TTC6: variants seen among roughly 807,000 people sequenced by gnomAD.
TTC6 encodes the protein tetratricopeptide repeat protein 6.
Under a neutral mutation model 210.4 loss-of-function variants are expected in TTC6, and 172 were observed. The ratio of observed to expected loss-of-function variants is 0.82; its 90% confidence interval spans 0.72 to 0.93. The LOEUF is 0.93. TTC6 is among the 40% of genes least tolerant of loss of function. TTC6 has a pLI of 0.00. For missense variants in TTC6, 2,414 were observed against 2,318.1 expected (o/e 1.04, Z -0.85); for synonymous variants, 804 against 819.6 (o/e 0.98, Z 0.32).
rs563987348 is a variant in TTC6, at chr14:37,826,072, A to G, written c.4975-123A>G. On this transcript the variant is annotated intron_variant, in intron 27 of 30. Transcript: ENST00000553443. The stretch of plus-strand genomic sequence containing the variant: ...TATGCCTACTTTCTGGTTTGAAAGA[A>G]CTTAGATTTAGCATGGCATAAATAT... 8 of 1,017,868 alleles carry G rather than the reference A, an allele frequency of 7.9e-6. No individual in the cohort carries two copies. In the South Asian group the frequency reaches 1.2e-4, roughly 15 times the overall value. 63.1% of individuals were successfully genotyped at this position (1,017,868 alleles called of 1,614,324 possible).
intron 1 of TTC6, among the ~76,000 whole-genome samples, chr14:37,643,917 A>G (rs372318683): frequency 6.6e-6 from 1 of 152,236 alleles, no homozygotes; most frequent in East Asian, 1.9e-4. Flanking sequence ...TTGACAATCA[A>G]TTATTACTCT....
At chr14:37,619,546 A>C (rs1159772898), upstream of TTC6, among the ~76,000 whole-genome samples, 2 of 152,172 alleles carry the variant, frequency 1.3e-5, no homozygotes, top group Non-Finnish European at 2.9e-5. Flanking sequence ...GAAATACACC[A>C]AAAAATTGCA....
intron 1 of TTC6, among the ~76,000 whole-genome samples, chr14:37,664,198 A>C (rs1476195844): frequency 5.3e-5 from 8 of 150,682 alleles, no homozygotes; most frequent in African/African-American, 1.9e-4. Context: ...TAGCCAAGGC[A>C]ATCCTAAGTG....
chr14:37,808,844 A>G, exon 24 of TTC6: 1 of 1,454,726 alleles, frequency 6.9e-7, no homozygotes. Flanking sequence ...GGAACTTCAA[A>G]TGGTAAGATG....
At chr14:37,689,070 A>G (rs917770562) in intron 3 of TTC6, among the ~76,000 whole-genome samples, 2 of 152,128 alleles carry the variant, frequency 1.3e-5, no homozygotes, top group African/African-American at 4.8e-5. Flanking sequence ...TCAAGATAAC[A>G]CAGAGAATCA....
At chr14:37,682,528 C>G (rs1396746891) in intron 2 of TTC6, among the ~76,000 whole-genome samples, 3 of 152,080 alleles carry the variant, frequency 2.0e-5, no homozygotes, top group African/African-American at 7.2e-5. Context: ...TGTGGGGTGG[C>G]TGTAGTTTCT....
chr14:37,796,142 A>G (rs1417587113), intron 18 of TTC6, among the ~76,000 whole-genome samples, 152 bp from the exon 21 acceptor site: 2 of 152,052 alleles, frequency 1.3e-5, no homozygotes, highest in Non-Finnish European at 1.5e-5. Context: ...TATTTAGTTT[A>G]TATAAAATGT....
intron 5 of TTC6, 106 bp downstream of exon 7, chr14:37,701,632 T>A: frequency 9.3e-7 from 1 of 1,072,728 alleles, no homozygotes; most frequent in Non-Finnish European, 1.3e-6. Context: ...TCTTGGACAC[T>A]AAAGAGGAGG....
At chr14:37,633,413 G>A (rs1171369476) in intron 1 of TTC6, among the ~76,000 whole-genome samples, 2 of 152,164 alleles carry the variant, frequency 1.3e-5, no homozygotes, top group Non-Finnish European at 2.9e-5. Flanking sequence ...CAGGTGAGGT[G>A]ATGCCCCACC....
chr14:37,613,669 A>T (rs1489560161), intron 2 of TTC6, among the ~76,000 whole-genome samples: 1 of 152,030 alleles, frequency 6.6e-6, no homozygotes, highest in Non-Finnish European at 1.5e-5. Context: ...AGCTATTCAG[A>T]TTTCCTGTTT....
At chr14:37,741,488 T>C (rs2095919707) in intron 10 of TTC6, among the ~76,000 whole-genome samples, 1 of 151,700 alleles carries the variant, frequency 6.6e-6, no homozygotes, top group South Asian at 2.1e-4. Context: ...CAGGGTTTTG[T>C]CATGTTGGCC....
At chr14:37,768,390 G>A (rs1251511676) in intron 14 of TTC6, among the ~76,000 whole-genome samples, 1 of 151,724 alleles carries the variant, frequency 6.6e-6, no homozygotes, top group African/African-American at 2.4e-5. Flanking sequence ...ATTACCTTGG[G>A]AAGTATGGCC....
chr14:37,712,572 G>A lies in TTC6; in HGVS notation c.1572-2083G>A, dbSNP rs535268727. Among the ~76,000 whole-genome samples, 6 of 152,292 alleles carry A rather than the reference G, an allele frequency of 3.9e-5. No individual in the cohort carries two copies. In the South Asian group the frequency reaches 1.2e-3, roughly 32 times the overall value. On this transcript the variant is annotated intron_variant, in intron 5 of 30. Coordinates refer to ENST00000553443, the Ensembl canonical transcript of TTC6. ...GGCTTAATTGACTCACAGTTCTGCAGGGCTGATGAGGCCTCAGGAAACTTA... is the reference window on the plus strand; with the variant it reads ...GGCTTAATTGACTCACAGTTCTGCAAGGCTGATGAGGCCTCAGGAAACTTA...
intron 6 of TTC6, among the ~76,000 whole-genome samples, chr14:37,723,161 G>A (rs1403214090): frequency 1.3e-5 from 2 of 151,816 alleles, no homozygotes; most frequent in African/African-American, 4.8e-5. Flanking sequence ...ATTTTTTTTA[G>A]AACACTTTCT....
rs947457837 is a variant in TTC6, at chr14:37,622,367, G to C, written c.303G>C (p.Ser101=). The C allele has an allele frequency of 9.7e-5, 149 of 1,530,450 alleles. 2 individuals are homozygous for C. The East Asian group carries it at 3.5e-3, about 36-fold the overall frequency. 94.8% of individuals were successfully genotyped at this position (1,530,450 alleles called of 1,614,324 possible). A position where few individuals can be genotyped will look rare whatever the true frequency, so the allele number is the denominator to read the frequency against. The stretch of plus-strand genomic sequence containing the variant: ...TGCTCGGAGGCGCGCCGCGTCCCTC[G>C]GGCCTGGGTGAGGCGGCGGCTCCAG... The change falls in exon 1 of 31, where the codon TCG becomes TCC. Residue 101 remains serine (S), a synonymous_variant. Transcript: ENST00000553443.
rs772742823 is a variant in TTC6 at position 37,751,033 on chromosome 14, A to G, written c.2957-20A>G. 10 of 1,484,212 alleles carry G rather than the reference A, an allele frequency of 6.7e-6. No homozygotes were observed. In the South Asian group the frequency reaches 1.2e-4, roughly 17 times the overall value. The allele number at this position is 1,484,212 out of a possible 1,614,324, so 91.9% of individuals were successfully genotyped here. ...TGAAAGGATTATAACTCCAAATTTT[A>G]TCTTTTTAATTTTCTTTAGAGGCAT... is the stretch of plus-strand genomic sequence containing the variant. On this transcript the variant is annotated intron_variant, in intron 12 of 30. Coordinates refer to ENST00000553443, the Ensembl canonical transcript of TTC6.
intron 7 of TTC6, among the ~76,000 whole-genome samples, chr14:37,733,188 T>C (rs2095892420): frequency 6.6e-6 from 1 of 152,222 alleles, no homozygotes; most frequent in Non-Finnish European, 1.5e-5. Flanking sequence ...TTTGATTCCA[T>C]TTACCCCTTC....
At chr14:37,687,009 C>T (rs1412027627) in intron 3 of TTC6, among the ~76,000 whole-genome samples, 6 of 152,098 alleles carry the variant, frequency 3.9e-5, no homozygotes, top group Admixed American at 1.3e-4. Context: ...ATTGATTGTC[C>T]CCTCCACTCC....
intron 20 of TTC6, 77 bp from the exon 23 acceptor site, chr14:37,804,603 A>C: frequency 9.1e-6 from 14 of 1,537,884 alleles, no homozygotes; most frequent in Non-Finnish European, 1.2e-5. Context: ...GCTCCTTTTA[A>C]CATATAAGGC....
Sources: allele counts gnomAD v4.1 joint callset (sites outside exome capture counted in the v4.1 genomes callset), GRCh38; gene constraint gnomAD v4.1.1; transcripts MANE v1.5; gene names NCBI Gene and HGNC (gene_info 2026-07-23, HGNC 2026-07-21).